The following CYTH3 variants were observed in gnomAD, a reference collection of about 807,000 sequenced individuals.
The protein encoded by CYTH3 is cytohesin-3.
A neutral mutation model predicts 55.1 loss-of-function variants in CYTH3; 23 were observed. That is an observed-to-expected ratio of 0.42 (90% CI 0.30 to 0.59). The LOEUF (loss-of-function observed/expected upper bound fraction) is 0.59. Among genes scored for constraint, CYTH3 ranks in the 20% least tolerant of loss-of-function variants. The pLI is 0.20. For synonymous variants in CYTH3, 249 were observed against 194.9 expected, an observed-to-expected ratio of 1.28 and a Z score of -2.31; for missense variants, 413 against 524.8, an observed-to-expected ratio of 0.79 and a Z score of 2.08.
At chr7:6,236,375 T>C (rs1385201718) in intron 1 of CYTH3, among the ~76,000 whole-genome samples, 1 of 150,818 alleles carries the variant, frequency 6.6e-6, no homozygotes, top group East Asian at 1.9e-4. Context: ...TTTTTTTTTT[T>C]TTTTTTTTAC....
chr7:6,204,094 A>G (rs1784128224), intron 1 of CYTH3, among the ~76,000 whole-genome samples: 1 of 152,052 alleles, frequency 6.6e-6, no homozygotes, highest in Non-Finnish European at 1.5e-5. Context: ...AAAATCAGAC[A>G]GTATAAATAA....
intron 1 of CYTH3, among the ~76,000 whole-genome samples, chr7:6,195,713 G>A (rs918052249): frequency 6.6e-6 from 1 of 152,026 alleles, no homozygotes; most frequent in Non-Finnish European, 1.5e-5. Flanking sequence ...CAACTAACAG[G>A]TCATCTCCAT....
intron 1 of CYTH3, among the ~76,000 whole-genome samples, chr7:6,259,821 TATATATATA>T (rs1780298296): frequency 3.8e-5 from 1 of 26,604 alleles, no homozygotes; most frequent in South Asian, 1.1e-3. Context: ...ATAATATATA[TATATATATA>T]TATTTTTTTT....
At chr7:6,182,592 A>T (rs564164673) in intron 4 of CYTH3, among the ~76,000 whole-genome samples, 10 of 152,198 alleles carry the variant, frequency 6.6e-5, no homozygotes, top group Admixed American at 2.6e-4. Flanking sequence ...TTGTAGCCTC[A>T]AACTCCTGGG....
At chr7:6,251,937 T>C (rs990209927) in intron 1 of CYTH3, among the ~76,000 whole-genome samples, 4 of 152,056 alleles carry the variant, frequency 2.6e-5, no homozygotes, top group Non-Finnish European at 4.4e-5. Flanking sequence ...AAAAACAAAA[T>C]GCTTGAGATA....
chr7:6,241,049 G>A (rs1163880918), intron 1 of CYTH3, among the ~76,000 whole-genome samples: 3 of 152,124 alleles, frequency 2.0e-5, no homozygotes, highest in Non-Finnish European at 4.4e-5. Context: ...TTGAACCTGG[G>A]AGGCGGAGGT....
Position 6,164,626 on chromosome 7 carries a change from C to A in CYTH3, c.*318G>T, listed in dbSNP as rs957640014. ...CTGTCCTGGCTTCTCCCCCTAGGGGCGCCGGGATGGTCGCAGGAAGGAAAT... is the reference window on the plus strand; with the variant it reads ...CTGTCCTGGCTTCTCCCCCTAGGGGAGCCGGGATGGTCGCAGGAAGGAAAT... On this transcript the variant is annotated 3_prime_UTR_variant, in exon 13 of 13. Transcript: ENST00000350796. 5.1e-6 allele frequency: 2 copies of A among 392,998 alleles called. No individual in the cohort carries two copies. The highest frequency in any genetic ancestry group is 2.9e-5 in the South Asian group (1 of 34,364). The allele number at this position is 392,998 out of a possible 1,614,324, so 24.3% of individuals were successfully genotyped here. A position where few individuals can be genotyped will look rare whatever the true frequency, so the allele number is the denominator to read the frequency against.
intron 9 of CYTH3, among the ~76,000 whole-genome samples, chr7:6,166,533 G>A (rs892602751): frequency 2.0e-5 from 3 of 152,208 alleles, no homozygotes; most frequent in Admixed American, 1.3e-4. Context: ...GTGACAGGCC[G>A]GCAGGGGAGT....
intron 1 of CYTH3, among the ~76,000 whole-genome samples, chr7:6,215,150 G>C (rs1784398434): frequency 6.6e-6 from 1 of 152,192 alleles, no homozygotes; most frequent in South Asian, 2.1e-4. Context: ...TGGAGCACAT[G>C]AGAGTTGACA....
At chr7:6,193,031 G>T (rs1562889484) in intron 1 of CYTH3, among the ~76,000 whole-genome samples, 1 of 151,984 alleles carries the variant, frequency 6.6e-6, no homozygotes. Context: ...AATTAGCTGG[G>T]TGTAGTGGTG....
At chr7:6,259,795 A>ATATTT (rs1554255119) in intron 1 of CYTH3, among the ~76,000 whole-genome samples, 2 of 14,628 alleles carry the variant, frequency 1.4e-4, no homozygotes, top group East Asian at 2.8e-3. Context: ...ATATATATAT[A>ATATTT]TATATATATA....
intron 1 of CYTH3, among the ~76,000 whole-genome samples, chr7:6,196,509 G>A (rs547017069): frequency 7.0e-6 from 1 of 143,766 alleles, no homozygotes; most frequent in East Asian, 2.1e-4. Flanking sequence ...GCCCAGGCTG[G>A]AGTGCAATGG....
In CYTH3 at chr7:6,171,342, C is replaced by G. The variant is rs1366957611; in HGVS notation, c.450-28G>C. ...GTGGAGACACCAAAGCCATGGGAAG[C>G]CGCATCAGAACCAACACCGCCTCAC... On this transcript the variant is annotated intron_variant, in intron 6 of 12. Coordinates refer to ENST00000350796, the MANE Select transcript of CYTH3 (RefSeq NM_004227.4). This position sits in a 1 kb window ranked among gnomAD's most constrained non-coding sequence, Gnocchi z 6.7. 2 of 1,609,090 alleles carry G rather than the reference C, an allele frequency of 1.2e-6. No homozygotes were observed. Among genetic ancestry groups the G allele is most frequent in the African/African-American group, 1.3e-5 (1 of 74,828 alleles).
intron 1 of CYTH3, among the ~76,000 whole-genome samples, chr7:6,195,619 T>G (rs1458192568): frequency 6.6e-6 from 1 of 152,120 alleles, no homozygotes; most frequent in African/African-American, 2.4e-5. Flanking sequence ...CACGCCCGGC[T>G]AATTTTTTGT....
chr7:6,259,772 T>TATATAATATATATATATATATAA lies in CYTH3; in HGVS notation c.34+12701_34+12702insTTATATATATATATATATTATAT, dbSNP rs1491219669. On this transcript the variant is annotated intron_variant, in intron 1 of 12. Coordinates refer to ENST00000350796, the MANE Select transcript of CYTH3 (RefSeq NM_004227.4). ...TATATATATATTATATATATATATATTATATATATATAATATATATATATA... is the reference window on the plus strand; with the variant it reads ...TATATATATATTATATATATATATATATATAATATATATATATATATAATATATATATATAATATATATATATA... 1.0e-3 allele frequency among the ~76,000 whole-genome samples: 31 copies of TATATAATATATATATATATATAA among 30,500 alleles called. 1 individual carries two copies. The East Asian group carries it at 0.024, about 24-fold the overall frequency. The allele number at this position is 30,500 out of a possible 152,430, so 20.0% of individuals were successfully genotyped here. A position where few individuals can be genotyped will look rare whatever the true frequency, so the allele number is the denominator to read the frequency against.
chr7:6,225,680 A>ATT (rs746185298), intron 1 of CYTH3, among the ~76,000 whole-genome samples: 4 of 137,752 alleles, frequency 2.9e-5, no homozygotes, highest in Non-Finnish European at 4.8e-5. Flanking sequence ...TTTTTGAAGA[A>ATT]TTTTTTTTTT....
rs1381531885 is a variant in CYTH3 at position 6,171,813 on chromosome 7, C to T, written c.450-499G>A. On this transcript the variant is annotated intron_variant, in intron 6 of 12. Coordinates refer to ENST00000350796, the MANE Select transcript of CYTH3 (RefSeq NM_004227.4). This position sits in a 1 kb window ranked among gnomAD's most constrained non-coding sequence, Gnocchi z 6.7. ...GCCTTGCTGGGCAGACACATGCCTGCCTCAGAGACCAGGCCCAGCAGACAC... is the reference window on the plus strand; with the variant it reads ...GCCTTGCTGGGCAGACACATGCCTGTCTCAGAGACCAGGCCCAGCAGACAC... 1 of 159,622 alleles carries T rather than the reference C, an allele frequency of 6.3e-6. No homozygotes were observed. Among genetic ancestry groups the T allele is most frequent in the Non-Finnish European group, 1.4e-5 (1 of 71,888 alleles). The allele number at this position is 159,622 out of a possible 1,614,324, so 9.9% of individuals were successfully genotyped here.
chr7:6,239,146 G>A (rs555877053), intron 1 of CYTH3, among the ~76,000 whole-genome samples: 2 of 152,258 alleles, frequency 1.3e-5, no homozygotes, highest in African/African-American at 4.8e-5. Context: ...CCAGGAGTTG[G>A]AGGCTGCAGT....
chr7:6,252,164 G>A (rs545189272), intron 1 of CYTH3, among the ~76,000 whole-genome samples: 17 of 152,302 alleles, frequency 1.1e-4, no homozygotes, highest in African/African-American at 3.8e-4. Context: ...TTGCTGTATG[G>A]TAAATGCATA....
Sources: gnomAD v4.1 joint callset for allele counts (sites outside exome capture counted in the v4.1 genomes callset) on GRCh38, gnomAD v4.1.1 for gene constraint, Gnocchi (gnomAD v3.1) non-coding constraint, MANE v1.5 for transcripts, NCBI Gene and HGNC (gene_info 2026-07-23, HGNC 2026-07-21) for gene names.